ARID1A: variants seen among roughly 807,000 people sequenced by gnomAD.
The protein encoded by ARID1A is AT-rich interaction domain 1A.
ARID1A carries 20 observed loss-of-function variants against 212.6 expected under a neutral mutation model. The ratio of observed to expected loss-of-function variants is 0.09; its 90% confidence interval spans 0.07 to 0.14. The LOEUF (loss-of-function observed/expected upper bound fraction) is 0.14, where lower values mean the gene tolerates loss of function less well. Among genes scored for constraint, ARID1A ranks in the 10% least tolerant of loss-of-function variants. ARID1A has a pLI of 1.00. For missense variants in ARID1A, 2,587 were observed against 3,059.0 expected, an observed-to-expected ratio of 0.85 and a Z score of 3.64; for synonymous variants, 1,376 against 1,222.1, an observed-to-expected ratio of 1.13 and a Z score of -2.63.
At chr1:26,748,711 C>T (rs1382113594) in intron 4 of ARID1A, among the ~76,000 whole-genome samples, 3 of 146,930 alleles carry the variant, frequency 2.0e-5, no homozygotes, top group Admixed American at 1.4e-4. Context: ...CTGGATAAGA[C>T]AGAAGCCTTT....
intron 19 of ARID1A, among the ~76,000 whole-genome samples, chr1:26,777,794 G>A (rs551393118): frequency 2.6e-5 from 4 of 152,068 alleles, no homozygotes; most frequent in Non-Finnish European, 4.4e-5. Flanking sequence ...TAGGCTGGGC[G>A]CAGTGGCTCA....
At chr1:26,760,759 G>A (rs2124052667) in intron 4 of ARID1A, 97 bp from the exon 5 acceptor site, 1 of 1,348,986 alleles carries the variant, frequency 7.4e-7, no homozygotes, top group South Asian at 1.4e-5. Context: ...TTTGCTCTTG[G>A]TTGTTTAAGG....
chr1:26,773,065 C>T (rs2124108910), intron 14 of ARID1A, 78 bp downstream of exon 14: 1 of 1,535,588 alleles, frequency 6.5e-7, no homozygotes, highest in African/African-American at 1.4e-5. Context: ...TTGAGAATGG[C>T]TCAGGGTTCT....
intron 1 of ARID1A, among the ~76,000 whole-genome samples, chr1:26,708,090 G>A (rs950272865): frequency 2.6e-5 from 4 of 151,784 alleles, no homozygotes; most frequent in African/African-American, 7.3e-5. Flanking sequence ...CTTCCACTTA[G>A]GGTTTTGTTG....
chr1:26,751,789 A>G lies in ARID1A; in HGVS notation c.1921-9067A>G, dbSNP rs377687767. ...TTTCTTTATGAATTCTGATGTGTAT[A>G]TAGGGAGTTTCCTCTTGGAGACGGG... is the stretch of plus-strand genomic sequence containing the variant. On this transcript the variant is annotated intron_variant, in intron 4 of 19. Coordinates refer to ENST00000324856, the MANE Select transcript of ARID1A (RefSeq NM_006015.6). Among the ~76,000 whole-genome samples the G allele has an allele frequency of 3.7e-4, 56 of 152,322 alleles. No individual in the cohort carries two copies. The South Asian group carries it at 0.011, about 29-fold the overall frequency.
Position 26,774,216 on chromosome 1 carries a change from T to C in ARID1A, c.4102-113T>C. The C allele has an allele frequency of 1.4e-6, 2 of 1,476,804 alleles. No individual in the cohort carries two copies. The highest frequency in any genetic ancestry group is 1.8e-6 in the Non-Finnish European group (2 of 1,114,756). 91.5% of individuals were successfully genotyped at this position (1,476,804 alleles called of 1,614,324 possible). ...ACAATTTGTTAAGGTGATTCCCATG[T>C]TTTCTTGGAGTCTGTGTCCACCAAG... is the stretch of plus-strand genomic sequence containing the variant. On this transcript the variant is annotated intron_variant, in intron 17 of 19. Coordinates refer to ENST00000324856, the MANE Select transcript of ARID1A (RefSeq NM_006015.6). The surrounding 1 kb of genome is among the most constrained non-coding windows in gnomAD (Gnocchi z 5.6).
At chr1:26,764,461 T>C (rs951971214) in intron 8 of ARID1A, 1 of 152,196 alleles carries the variant, frequency 6.6e-6, no homozygotes, top group Non-Finnish European at 1.5e-5. Flanking sequence ...GGTAAGCTTG[T>C]GGTTTGCCAT....
At chr1:26,776,599 T>C (rs367767737) in intron 19 of ARID1A, among the ~76,000 whole-genome samples, 96 of 150,522 alleles carry the variant, frequency 6.4e-4, no homozygotes, top group African/African-American at 2.3e-3. Context: ...AAGCTGATTC[T>C]TCAGACCCAC....
At position 26,775,019 on chromosome 1, in the gene ARID1A, C is replaced by T. The variant is rs781689378; in HGVS notation, c.4792C>T (p.Arg1598Cys). 7 of 1,597,468 alleles carry T rather than the reference C, an allele frequency of 4.4e-6. No homozygotes were observed. The highest frequency in any genetic ancestry group is 4.5e-5 in the East Asian group (2 of 44,682). ...PAPLPRPMEN[R>C]TSPSKSPFLH... The stretch of plus-strand genomic sequence containing the variant: ...TCCCCTGCCCCGGCCAATGGAGAAC[C>T]GCACCTCTCCTAGCAAGTCTCCATT... The change falls in exon 18 of 20, where the codon CGC becomes TGC. Residue 1598 changes from arginine to cysteine, a missense_variant. By Grantham distance (180) the Arg-to-Cys change is radical. Around this residue, in one of 11 missense-constraint regions of ARID1A, gnomAD observed 890 missense variants for 1,098.2 expected, o/e 0.81. Coordinates refer to ENST00000324856, the MANE Select transcript of ARID1A (RefSeq NM_006015.6).
chr1:26,718,073 C>G (rs557122729), intron 1 of ARID1A, among the ~76,000 whole-genome samples: 1 of 152,294 alleles, frequency 6.6e-6, no homozygotes, highest in Non-Finnish European at 1.5e-5. Flanking sequence ...TTCCCAGGTT[C>G]AAGCAGTTCT....
chr1:26,760,753 C>T (rs2080983758), intron 4 of ARID1A, 103 bp from the exon 5 acceptor site: 2 of 1,263,516 alleles, frequency 1.6e-6, no homozygotes, highest in African/African-American at 3.0e-5. Context: ...GATGTATTTG[C>T]TCTTGGTTGT....
chr1:26,730,457 TACTC>T (rs1017431333), intron 2 of ARID1A, among the ~76,000 whole-genome samples: 3 of 152,254 alleles, frequency 2.0e-5, no homozygotes, highest in Non-Finnish European at 4.4e-5. Flanking sequence ...CTTTGAGTGA[TACTC>T]ATACTGAAAA....
At position 26,771,275 on chromosome 1, in the gene ARID1A, G is replaced by T. The variant is rs754838938; in HGVS notation, c.3355G>T (p.Ala1119Ser). 6.2e-7 allele frequency: 1 copy of T among 1,614,180 alleles called. No individual in the cohort carries two copies. The highest frequency in any genetic ancestry group is 8.5e-7 in the Non-Finnish European group (1 of 1,180,038). ...RGEDPPPDIF[A>S]AADSKKSQPK... ...AGAAGACCCTCCCCCAGACATCTTT[G>T]CAGCTGCTGATTCCAAGAAGTCCCA... The change falls in exon 12 of 20, where the codon GCA becomes TCA. Residue 1119 changes from alanine (A) to serine (S), a missense_variant. By Grantham distance (99) the Ala-to-Ser change is moderately conservative. Coordinates refer to ENST00000324856, the MANE Select transcript of ARID1A (RefSeq NM_006015.6). The surrounding 1 kb of genome is among the most constrained non-coding windows in gnomAD (Gnocchi z 5.4).
chr1:26,746,632 G>C lies in ARID1A; in HGVS notation c.1920+13840G>C, dbSNP rs113265167. On this transcript the variant is annotated intron_variant, in intron 4 of 19. Transcript: ENST00000324856. ...TATCTGGCCAGGCGCAGTGGCTCAC[G>C]CCTGTAATCCCAGCACTTTGGGAGG... Among the ~76,000 whole-genome samples, 4 of 152,300 alleles carry C rather than the reference G, an allele frequency of 2.6e-5. 1 individual carries two copies. The highest frequency in any genetic ancestry group is 9.6e-5 in the African/African-American group (4 of 41,552).
intron 1 of ARID1A, among the ~76,000 whole-genome samples, chr1:26,724,701 C>G (rs2080600132): frequency 6.6e-6 from 1 of 152,116 alleles, no homozygotes; most frequent in African/African-American, 2.4e-5. Context: ...TTCCTTGATG[C>G]AATAAGAAGT....
rs2081079306 is a variant in ARID1A at position 26,771,053 on chromosome 1, T to C, written c.3199-66T>C. The C allele has an allele frequency of 2.8e-6, 4 of 1,449,288 alleles. No homozygotes were observed. Among genetic ancestry groups the C allele is most frequent in the African/African-American group, 1.4e-5 (1 of 71,428 alleles). The allele number at this position is 1,449,288 out of a possible 1,614,324, so 89.8% of individuals were successfully genotyped here. On this transcript the variant is annotated intron_variant, in intron 11 of 19. Transcript: ENST00000324856. This position sits in a 1 kb window ranked among gnomAD's most constrained non-coding sequence, Gnocchi z 5.4. The stretch of plus-strand genomic sequence containing the variant: ...TGAATACCTTACAGCCTGATGGGGC[T>C]TGGGGCTTATGGGCAGGAAAACCAG...
At chr1:26,722,792 G>T (rs1391400956) in intron 1 of ARID1A, among the ~76,000 whole-genome samples, 1 of 152,070 alleles carries the variant, frequency 6.6e-6, no homozygotes. Context: ...GACAGGTGTT[G>T]GTATAATCTA....
At position 26,696,385 on chromosome 1, in the gene ARID1A, G is replaced by C. The variant is rs980571398; in HGVS notation, c.-19G>C. On this transcript the variant is annotated 5_prime_UTR_variant, in exon 1 of 20. Transcript: ENST00000324856. ...CGAAGACAGGGCCGGGTCTCTCCGC[G>C]GACGAGACAGCGGGGATCATGGCCG... is the stretch of plus-strand genomic sequence containing the variant. 9.6e-5 allele frequency: 120 copies of C among 1,251,130 alleles called. No homozygotes were observed. The highest frequency in any genetic ancestry group is 1.0e-4 in the Non-Finnish European group (102 of 999,322). The allele number at this position is 1,251,130 out of a possible 1,614,324, so 77.5% of individuals were successfully genotyped here.
chr1:26,744,950 T>A (rs2080823233), intron 4 of ARID1A, among the ~76,000 whole-genome samples: 1 of 151,464 alleles, frequency 6.6e-6, no homozygotes, highest in South Asian at 2.1e-4. Context: ...GGCTCCCCCC[T>A]CTTGCCCATT....
Sources: allele counts gnomAD v4.1 joint callset (sites outside exome capture counted in the v4.1 genomes callset), GRCh38; gene constraint gnomAD v4.1.1; regional missense constraint gnomAD v4.1.1; non-coding constraint Gnocchi (gnomAD v3.1); transcripts MANE v1.5; gene names NCBI Gene and HGNC (gene_info 2026-07-23, HGNC 2026-07-21).